Variants in BIRC6 observed in about 807,000 individuals in gnomAD.
The protein encoded by BIRC6 is baculoviral IAP repeat containing 6.
In BIRC6, 98 loss-of-function variants were observed where a neutral mutation model predicts 503.3. That is an observed-to-expected ratio of 0.19 (90% CI 0.17 to 0.23). BIRC6 has a LOEUF of 0.23. Among genes scored for constraint, BIRC6 ranks in the 10% least tolerant of loss-of-function variants. The probability of loss-of-function intolerance (pLI) is 1.00; values close to 1 mark genes in which losing one functional copy is unlikely to be tolerated. For synonymous variants in BIRC6, 2,240 were observed against 2,078.7 expected, an observed-to-expected ratio of 1.08 and a Z score of -2.11; for missense variants, 5,360 against 5,806.0, an observed-to-expected ratio of 0.92 and a Z score of 2.50.
Position 32,525,607 on chromosome 2 carries a change from C to G in BIRC6, c.11899C>G (p.Leu3967Val). The change falls in exon 59 of 74, where the codon CTG becomes GTG. Residue 3967 changes from leucine (L) to valine (V), a missense_variant. Physicochemically the swap from Leu to Val is conservative, Grantham distance 32. Coordinates refer to ENST00000421745, the MANE Select transcript of BIRC6 (RefSeq NM_016252.4). ...AATAATTACTGTCCCAGTGTTTCAC[C>G]TGTTTCACAAACTCTTGGCAGGTAA... ...NKIITVPVFH[L>V]FHKLLAGQPL... The G allele has an allele frequency of 6.2e-7, 1 of 1,613,350 alleles. No individual in the cohort carries two copies. The highest frequency in any genetic ancestry group is 8.5e-7 in the Non-Finnish European group (1 of 1,179,644).
chr2:32,613,763 T>C (rs951687817), intron 73 of BIRC6, among the ~76,000 whole-genome samples: 3 of 152,244 alleles, frequency 2.0e-5, no homozygotes, highest in African/African-American at 4.8e-5. Context: ...GTACTATACT[T>C]TTCATCTGTA....
chr2:32,511,292 A>G (rs1264971291), intron 53 of BIRC6, among the ~76,000 whole-genome samples: 1 of 129,696 alleles, frequency 7.7e-6, no homozygotes, highest in Non-Finnish European at 1.6e-5. Context: ...CTACTTCCAA[A>G]TTGATACCAA....
At position 32,478,648 on chromosome 2, in the gene BIRC6, T is replaced by C; in HGVS notation, c.7082T>C (p.Ile2361Thr). 1 of 1,611,122 alleles carries C rather than the reference T, an allele frequency of 6.2e-7. No individual in the cohort carries two copies. Among genetic ancestry groups the C allele is most frequent in the African/African-American group, 1.3e-5 (1 of 74,882 alleles). ...AATGTATTACAGGTTCTTGCACGCA[T>C]TGCAAATGCCACGAGGCCAACTATT... ...LLFVCKVLAR[I>T]ANATRPTIHL... The change falls in exon 36 of 74, where the codon ATT (isoleucine) becomes ACT (threonine). Residue 2361 changes from isoleucine to threonine, a missense_variant. Ile to Thr is a moderately conservative substitution (Grantham distance 89). Transcript: ENST00000421745.
chr2:32,455,619 T>G (rs1056374537), intron 23 of BIRC6, among the ~76,000 whole-genome samples: 1 of 152,126 alleles, frequency 6.6e-6, no homozygotes, highest in African/African-American at 2.4e-5. Flanking sequence ...AGAGTGAGAC[T>G]CCGTCTCAAA....
intron 6 of BIRC6, among the ~76,000 whole-genome samples, chr2:32,399,428 C>A (rs2040357854): frequency 6.6e-6 from 1 of 152,132 alleles, no homozygotes; most frequent in Admixed American, 6.5e-5. Context: ...ATTGTCCAGG[C>A]TGAAGTGCAA....
At chr2:32,555,914 CAAA>C (rs372061622) in intron 65 of BIRC6, among the ~76,000 whole-genome samples, 3 of 86,060 alleles carry the variant, frequency 3.5e-5, no homozygotes, top group African/African-American at 4.3e-5. Context: ...GACCCTATCT[CAAA>C]AAAAAAAAAA....
intron 65 of BIRC6, among the ~76,000 whole-genome samples, chr2:32,566,973 T>G (rs1420324857): frequency 6.6e-6 from 1 of 152,182 alleles, no homozygotes; most frequent in Non-Finnish European, 1.5e-5. Flanking sequence ...TTCCCACTTC[T>G]TTTTTTGTTT....
chr2:32,410,923 A>G (rs992893241), intron 9 of BIRC6, among the ~76,000 whole-genome samples: 6 of 152,018 alleles, frequency 3.9e-5, no homozygotes, highest in Admixed American at 3.3e-4. Context: ...GATGGTCTTG[A>G]TCTCCTGACC....
At chr2:32,606,026 T>C (rs1417245685) in intron 71 of BIRC6, among the ~76,000 whole-genome samples, 1 of 152,248 alleles carries the variant, frequency 6.6e-6, no homozygotes, top group African/African-American at 2.4e-5. Flanking sequence ...AACTTTGACT[T>C]ATAAGATGCA....
At chr2:32,423,677 C>G (rs960855901) in intron 10 of BIRC6, among the ~76,000 whole-genome samples, 1 of 152,156 alleles carries the variant, frequency 6.6e-6, no homozygotes, top group African/African-American at 2.4e-5. Flanking sequence ...CCCATCCACC[C>G]CCCCAATCCC....
chr2:32,473,366 AAC>A, intron 33 of BIRC6, 127 bp downstream of exon 33: 2 of 736,488 alleles, frequency 2.7e-6, no homozygotes, highest in Non-Finnish European at 4.3e-6. Flanking sequence ...AAAATCATCT[AAC>A]ACTTTGGAGA....
chr2:32,385,245 A>G (rs1054784751), intron 3 of BIRC6, among the ~76,000 whole-genome samples: 1 of 152,218 alleles, frequency 6.6e-6, no homozygotes, highest in African/African-American at 2.4e-5. Flanking sequence ...TTATTTCATC[A>G]TAAGGAGTTC....
intron 71 of BIRC6, 60 bp from the exon 72 acceptor site, chr2:32,607,393 GAT>G (rs1312554703): frequency 8.6e-7 from 1 of 1,161,492 alleles, no homozygotes; most frequent in African/African-American, 1.5e-5. Context: ...GATAAAGCAG[GAT>G]ATCAGTTAAC....
At chr2:32,534,237 G>A (rs1372116619) in intron 61 of BIRC6, among the ~76,000 whole-genome samples, 2 of 151,076 alleles carry the variant, frequency 1.3e-5, no homozygotes, top group African/African-American at 4.9e-5. Context: ...AGCCCGGTGT[G>A]GTAGTGGGTG....
In BIRC6 at chr2:32,421,061, G is replaced by C. The variant is rs2042897373; in HGVS notation, c.2872+4898G>C. On this transcript the variant is annotated intron_variant, in intron 10 of 73. Coordinates refer to ENST00000421745, the MANE Select transcript of BIRC6 (RefSeq NM_016252.4). Reference sequence around the variant, plus strand: ...TGTTATTATTTCCTCCCCTCTGCTTGATTTGGGTTTATTTTGCTCTTCTCT... The same window carrying C: ...TGTTATTATTTCCTCCCCTCTGCTTCATTTGGGTTTATTTTGCTCTTCTCT... 2.1e-5 allele frequency among the ~76,000 whole-genome samples: 3 copies of C among 143,738 alleles called. No individual in the cohort carries two copies. In the South Asian group the frequency reaches 6.7e-4, roughly 32 times the overall value. The allele number at this position is 143,738 out of a possible 152,430, so 94.3% of individuals were successfully genotyped here.
At chr2:32,564,491 A>T (rs2059400506) in intron 65 of BIRC6, 1 of 152,154 alleles carries the variant, frequency 6.6e-6, no homozygotes, top group Admixed American at 6.5e-5. Context: ...CTAGGATGGA[A>T]TTGTTGAGTT....
At chr2:32,551,759 T>G (rs2150427260) in intron 65 of BIRC6, among the ~76,000 whole-genome samples, 1 of 152,274 alleles carries the variant, frequency 6.6e-6, no homozygotes, top group Non-Finnish European at 1.5e-5. Context: ...CACTCCACCA[T>G]TTTTTACTAC....
intron 23 of BIRC6, among the ~76,000 whole-genome samples, chr2:32,456,066 A>G (rs1448751476): frequency 2.6e-5 from 4 of 152,222 alleles, no homozygotes; most frequent in Admixed American, 6.5e-5. Context: ...GTGATGACCA[A>G]TAAGTAAAGA....
chr2:32,455,682 T>C (rs1019526333), intron 23 of BIRC6, among the ~76,000 whole-genome samples: 1 of 152,180 alleles, frequency 6.6e-6, no homozygotes, highest in African/African-American at 2.4e-5. Context: ...CAAAAATTCA[T>C]GTGTTTGCAA....
Sources: allele counts gnomAD v4.1 joint callset (sites outside exome capture counted in the v4.1 genomes callset), GRCh38; gene constraint gnomAD v4.1.1; transcripts MANE v1.5; gene names NCBI Gene and HGNC (gene_info 2026-07-23, HGNC 2026-07-21).